The following NINL variants were observed in gnomAD, a reference collection of about 807,000 sequenced individuals.
The protein encoded by NINL is ninein like.
Under a neutral mutation model 160.3 loss-of-function variants are expected in NINL, and 153 were observed. The observed-to-expected ratio is 0.95, with a 90% CI of 0.84 to 1.09. The LOEUF (loss-of-function observed/expected upper bound fraction) is 1.09, where lower values mean the gene tolerates loss of function less well. Ranked by LOEUF, NINL falls within the 50% of genes least tolerant of loss-of-function variation. The probability of loss-of-function intolerance (pLI) is 0.00; values close to 1 mark genes in which losing one functional copy is unlikely to be tolerated. For missense variants in NINL, 1,829 were observed against 1,764.0 expected (o/e 1.04, Z -0.66); for synonymous variants, 800 against 734.8 (o/e 1.09, Z -1.43).
intron 16 of NINL, among the ~76,000 whole-genome samples, chr20:25,477,939 T>C (rs1216167180): frequency 3.3e-5 from 5 of 151,618 alleles, no homozygotes; most frequent in Non-Finnish European, 7.4e-5. Flanking sequence ...TTTTTTTTTT[T>C]TGAGACGAGT....
intron 21 of NINL, 87 bp from the exon 22 acceptor site, chr20:25,458,616 T>C: frequency 7.3e-7 from 1 of 1,368,422 alleles, no homozygotes; most frequent in South Asian, 1.5e-5. Flanking sequence ...CACCCCCACC[T>C]GCAAGGGCAA....
At chr20:25,524,894 C>T (rs893260105) in intron 2 of NINL, among the ~76,000 whole-genome samples, 9 of 145,758 alleles carry the variant, frequency 6.2e-5, no homozygotes, top group Non-Finnish European at 9.0e-5. Context: ...AAGAGACAGA[C>T]TCAAATTAAA....
At chr20:25,516,862 T>C (rs1460300440) in intron 3 of NINL, among the ~76,000 whole-genome samples, 2 of 152,002 alleles carry the variant, frequency 1.3e-5, no homozygotes, top group South Asian at 2.1e-4. Context: ...CTGGCAACAG[T>C]GCACACACAA....
At chr20:25,466,185 C>T (rs1000172166) in intron 19 of NINL, among the ~76,000 whole-genome samples, 2 of 151,970 alleles carry the variant, frequency 1.3e-5, no homozygotes, top group Admixed American at 1.3e-4. Flanking sequence ...GCATACTCAG[C>T]TGATTTTTCT....
In NINL at chr20:25,561,575, C is replaced by G. The variant is rs184823854; in HGVS notation, c.-12+23880G>C. ...GCGTCTCTGCCCGGCCGCCATCCCA[C>G]CTAGGAAGTGAGGAGCACCTCTTCC... On this transcript the variant is annotated intron_variant, in intron 1 of 23. Transcript: ENST00000278886. Among the ~76,000 whole-genome samples the G allele has an allele frequency of 2.0e-3, 302 of 150,902 alleles. 2 individuals are homozygous for G. The East Asian group carries it at 0.045, about 22-fold the overall frequency.
rs535398212 is a variant in NINL, at chr20:25,453,757, A to T, written c.3958-115T>A. 523 of 962,368 alleles carry T rather than the reference A, an allele frequency of 5.4e-4. 8 individuals carry two copies. Among genetic ancestry groups the T allele is most frequent in the South Asian group, 5.0e-3 (258 of 51,812 alleles). The allele number at this position is 962,368 out of a possible 1,614,324, so 59.6% of individuals were successfully genotyped here. A position where few individuals can be genotyped will look rare whatever the true frequency, so the allele number is the denominator to read the frequency against. On this transcript the variant is annotated intron_variant, in intron 23 of 23. Coordinates refer to ENST00000278886, the MANE Select transcript of NINL (RefSeq NM_025176.6). ...CAAACCACAGTTTTGGGCTCTTAGA[A>T]ATCTGACCCAAGGCCGGGGGCAGTG...
At position 25,476,423 on chromosome 20, in the gene NINL, C is replaced by A. The variant is rs758380101; in HGVS notation, c.2868G>T (p.Arg956=). The A allele has an allele frequency of 6.2e-7, 1 of 1,609,748 alleles. No homozygotes were observed. Among genetic ancestry groups the A allele is most frequent in the Admixed American group, 1.7e-5 (1 of 60,008 alleles). The part of the protein sequence containing the change: ...TERDASQTQP[R]MWEPPLRPAA... ...CCGGCCTCAGGGGTGGCTCCCACAT[C>A]CGTGGCTGGGTTTGCGAGGCGTCTC... The change falls in exon 17 of 24, where the codon CGG becomes CGT. Residue 956 remains arginine (R), a synonymous_variant. Coordinates refer to ENST00000278886, the MANE Select transcript of NINL (RefSeq NM_025176.6).
At chr20:25,502,852 C>T (rs1330798805) in intron 7 of NINL, among the ~76,000 whole-genome samples, 5 of 152,234 alleles carry the variant, frequency 3.3e-5, no homozygotes, top group Admixed American at 3.3e-4. Context: ...CGAGCAGACA[C>T]TGGCACCATG....
chr20:25,539,286 G>A (rs1336392552), intron 1 of NINL, among the ~76,000 whole-genome samples: 2 of 152,212 alleles, frequency 1.3e-5, no homozygotes, highest in East Asian at 3.8e-4. Context: ...CCCATGCAAA[G>A]ACAACCCTGG....
At chr20:25,570,694 CTT>C (rs57981279) in intron 1 of NINL, among the ~76,000 whole-genome samples, 1 of 91,010 alleles carries the variant, frequency 1.1e-5, no homozygotes, top group South Asian at 3.9e-4. Context: ...GGCAAGTAGA[CTT>C]TTTTTTTTTT....
At chr20:25,485,357 C>T (rs774591535) in intron 13 of NINL, among the ~76,000 whole-genome samples, 4 of 152,196 alleles carry the variant, frequency 2.6e-5, no homozygotes, top group Non-Finnish European at 4.4e-5. Flanking sequence ...CAATTTGAAG[C>T]CTATCAAAGG....
rs747236363 is a variant in NINL, at chr20:25,458,420, T to C, written c.3806A>G (p.Gln1269Arg). 4 of 1,606,764 alleles carry C rather than the reference T, an allele frequency of 2.5e-6. No homozygotes were observed. Among genetic ancestry groups the C allele is most frequent in the Non-Finnish European group, 3.4e-6 (4 of 1,179,966 alleles). ...VAELHRLLSL[Q>R]GEQARRRLDA... is the part of the protein sequence containing the mutation. ...CAGGCGCCTCCTGGCCTGCTCTCCC[T>C]GAAGGCTGAGCAGGCGATGCAGCTC... The change falls in exon 22 of 24, where the codon CAG (glutamine) becomes CGG (arginine). Residue 1269 changes from glutamine to arginine, a missense_variant. Physicochemically the swap from Gln to Arg is conservative, Grantham distance 43 (BLOSUM62 1). Coordinates refer to ENST00000278886, the MANE Select transcript of NINL (RefSeq NM_025176.6).
intron 1 of NINL, among the ~76,000 whole-genome samples, chr20:25,582,164 G>A (rs779625606): frequency 2.0e-5 from 3 of 151,978 alleles, no homozygotes; most frequent in African/African-American, 7.3e-5. Context: ...CTGAGGCAGG[G>A]GAATCACTTG....
At chr20:25,564,266 C>T (rs896445623) in intron 1 of NINL, among the ~76,000 whole-genome samples, 1 of 151,780 alleles carries the variant, frequency 6.6e-6, no homozygotes, top group East Asian at 1.9e-4. Flanking sequence ...TCTTCTGCCT[C>T]GGCCTCCCAA....
chr20:25,585,028 AG>A (rs1429817361), intron 1 of NINL, among the ~76,000 whole-genome samples: 1 of 151,002 alleles, frequency 6.6e-6, no homozygotes, highest in Non-Finnish European at 1.5e-5. Flanking sequence ...GGCCTCGACC[AG>A]ACGCCGGCGG....
At chr20:25,512,796 A>T in intron 4 of NINL, 38 bp downstream of exon 4, 1 of 1,573,968 alleles carries the variant, frequency 6.4e-7, no homozygotes, top group African/African-American at 1.4e-5. Flanking sequence ...GTTATTCCCA[A>T]CACTGGGCAG....
rs191716932 is a variant in NINL at position 25,491,361 on chromosome 20, A to G, written c.1475T>C (p.Leu492Pro). 3.7e-6 allele frequency: 6 copies of G among 1,608,286 alleles called. No homozygotes were observed. In the African/African-American group the frequency reaches 6.7e-5, roughly 18 times the overall value. ...TGGGGATGCCCCTACCTTCAGGGCC[A>G]GGGTCAGCTTCTCGCGGAGGCCAGC... ...EEAGLREKLTLALKENSRLQK... is the reference protein window; with the variant it reads ...EEAGLREKLTPALKENSRLQK... The change falls in exon 11 of 24, where the codon CTG becomes CCG. Residue 492 changes from leucine (L) to proline (P), a missense_variant. Transcript: ENST00000278886.
chr20:25,459,948 A>C (rs116371311), intron 21 of NINL, among the ~76,000 whole-genome samples: 46 of 152,254 alleles, frequency 3.0e-4, no homozygotes, highest in African/African-American at 1.1e-3. Context: ...TGCTGGAGTG[A>C]GGCAGAGCGG....
At chr20:25,497,814 A>G (rs1027782619) in intron 9 of NINL, among the ~76,000 whole-genome samples, 1 of 152,232 alleles carries the variant, frequency 6.6e-6, no homozygotes, top group Middle Eastern at 3.4e-3. Flanking sequence ...GGGGGACCTC[A>G]TGTCTGTCCC....
Sources: gnomAD v4.1 joint callset for allele counts (sites outside exome capture counted in the v4.1 genomes callset) on GRCh38, gnomAD v4.1.1 for gene constraint, MANE v1.5 for transcripts, NCBI Gene and HGNC (gene_info 2026-07-23, HGNC 2026-07-21) for gene names.